Variants in SLC26A6 observed in about 807,000 individuals in gnomAD.
SLC26A6 encodes anion exchange transporter.
In SLC26A6, 67 loss-of-function variants were observed where a neutral mutation model predicts 87.1. That is an observed-to-expected ratio of 0.77 (90% confidence interval 0.63 to 0.94). The LOEUF (loss-of-function observed/expected upper bound fraction) is 0.94, where lower values mean the gene tolerates loss of function less well. Among genes scored for constraint, SLC26A6 ranks in the 40% least tolerant of loss-of-function variants. The pLI, the probability that SLC26A6 is intolerant of heterozygous loss-of-function variation, is 0.00. For missense variants in SLC26A6, 902 were observed against 973.0 expected, an observed-to-expected ratio of 0.93 and a Z score of 0.97; for synonymous variants, 414 against 405.9, an observed-to-expected ratio of 1.02 and a Z score of -0.24.
At chr3:48,632,078 G>C (rs773993921) in intron 5 of SLC26A6, 34 bp from the exon 6 acceptor site, 2 of 1,609,652 alleles carry the variant, frequency 1.2e-6, no homozygotes, top group South Asian at 2.2e-5. Flanking sequence ...AGGAGAGGCA[G>C]GGGTCCTGGG....
intron 17 of SLC26A6, 199 bp from the exon 18 acceptor site, chr3:48,627,254 A>ATGTGCATATACTGCTC (rs2046651375): frequency 1.6e-6 from 1 of 631,234 alleles, no homozygotes; most frequent in Non-Finnish European, 2.7e-6. Context: ...GCACACCCAG[A>ATGTGCATATACTGCTC]TGTGCATATA....
rs776856978 is a variant in SLC26A6, at chr3:48,628,724, A to C, written c.1600-10T>G. 5.0e-6 allele frequency: 8 copies of C among 1,612,302 alleles called. No homozygotes were observed. The highest frequency in any genetic ancestry group is 1.7e-5 in the Admixed American group (1 of 59,854). ...CCCGGACTTCCTTGGCCTGGGGATGAGGCAGAACTGGTGGTGGCTGAATCT... is the reference window on the plus strand; with the variant it reads ...CCCGGACTTCCTTGGCCTGGGGATGCGGCAGAACTGGTGGTGGCTGAATCT... On this transcript the variant is annotated splice_polypyrimidine_tract_variant and intron_variant, in intron 14 of 20. Coordinates refer to ENST00000395550, the MANE Select transcript of SLC26A6 (RefSeq NM_022911.3). The surrounding 1 kb of genome is among the most constrained non-coding windows in gnomAD (Gnocchi z 4.4).
Position 48,635,382 on chromosome 3 carries a change from C to T in SLC26A6, c.12G>A (p.Ala4=). The change falls in exon 1 of 21, where the codon GCG becomes GCA. Residue 4 remains alanine, a synonymous_variant. Transcript: ENST00000395550. ...TGCGCTGAACTCACCCCGACGCATCCGCCAGCCCCATGGCTCGCAAGTTGT... is the reference window on the plus strand; with the variant it reads ...TGCGCTGAACTCACCCCGACGCATCTGCCAGCCCCATGGCTCGCAAGTTGT... The part of the protein sequence containing the change: MGL[A]DASGPRDTQA... The T allele has an allele frequency of 6.3e-7, 1 of 1,587,282 alleles. No homozygotes were observed. The highest frequency in any genetic ancestry group is 1.1e-5 in the South Asian group (1 of 87,686).
intron 1 of SLC26A6, chr3:48,634,678 T>G (rs2046904426): frequency 2.0e-6 from 2 of 978,284 alleles, no homozygotes; most frequent in African/African-American, 3.5e-5. Context: ...AGTTCTGATC[T>G]AGGAAAAGCC....
rs369726823 is a variant in SLC26A6, at chr3:48,630,622, G to T, written c.1233C>A (p.Thr411=). ...CAAAGCCCACCTGCGAGTTGCCCCC[G>T]GTGCTCTCCTGTACCAGGCTCCGAG... ...SMSRSLVQES[T]GGNSQVAGAI... is the part of the protein sequence containing the mutation. Residue 411 remains threonine, a synonymous_variant, in exon 10 of 21, where the codon ACC becomes ACA. Transcript: ENST00000395550. 6.3e-7 allele frequency: 1 copy of T among 1,584,202 alleles called. No individual in the cohort carries two copies. The highest frequency in any genetic ancestry group is 8.6e-7 in the Non-Finnish European group (1 of 1,163,628).
Position 48,628,091 on chromosome 3 carries a change from G to A in SLC26A6, c.1801-53C>T. On this transcript the variant is annotated intron_variant, in intron 16 of 20. Coordinates refer to ENST00000395550, the MANE Select transcript of SLC26A6 (RefSeq NM_022911.3). The surrounding 1 kb of genome is among the most constrained non-coding windows in gnomAD (Gnocchi z 4.4). ...AACAGCTAGCCCGGCTGCCATGACA[G>A]CCATGTCACATAGGCCTGGTGATGC... 2 of 1,484,872 alleles carry A rather than the reference G, an allele frequency of 1.3e-6. No individual in the cohort carries two copies. The highest frequency in any genetic ancestry group is 1.8e-6 in the Non-Finnish European group (2 of 1,102,842). The allele number at this position is 1,484,872 out of a possible 1,614,324, so 92.0% of individuals were successfully genotyped here. A position where few individuals can be genotyped will look rare whatever the true frequency, so the allele number is the denominator to read the frequency against.
chr3:48,626,047 C>T lies in SLC26A6; in HGVS notation c.2266-47G>A. 1.2e-6 allele frequency: 2 copies of T among 1,613,392 alleles called. 1 individual carries two copies. ...GGCTCTAGTCAGTTTCCAAAGGACA[C>T]AGACCAACCCCCGCCCCTAGAACAG... On this transcript the variant is annotated intron_variant, in intron 20 of 20. Transcript: ENST00000395550.
chr3:48,630,921 G>A (rs1016610044), intron 9 of SLC26A6, 72 bp downstream of exon 9: 32 of 1,587,440 alleles, frequency 2.0e-5, no homozygotes, highest in Admixed American at 1.4e-4. Flanking sequence ...GTGTCCCACC[G>A]GTTCCTCCCC....
Position 48,631,122 on chromosome 3 carries a change from G to A in SLC26A6, c.1005C>T (p.Ala335=). The A allele has an allele frequency of 6.2e-7, 1 of 1,613,634 alleles. No individual in the cohort carries two copies. Among genetic ancestry groups the A allele is most frequent in the Non-Finnish European group, 8.5e-7 (1 of 1,180,018 alleles). ...NIPAGLVPPV[A]PNTQLFSKLV... is the part of the protein sequence containing the mutation. Reference sequence around the variant, plus strand: ...GCTTTGAGAACAGCTGGGTGTTGGGGGCCACTGGGGGCACCAGCCTGTGAG... The same window carrying A: ...GCTTTGAGAACAGCTGGGTGTTGGGAGCCACTGGGGGCACCAGCCTGTGAG... Residue 335 remains alanine, a synonymous_variant, in exon 9 of 21, where the codon GCC becomes GCT. Coordinates refer to ENST00000395550, the MANE Select transcript of SLC26A6 (RefSeq NM_022911.3).
At chr3:48,631,480 A>T in intron 7 of SLC26A6, 169 bp downstream of exon 7, 1 of 1,100,082 alleles carries the variant, frequency 9.1e-7, no homozygotes, top group Non-Finnish European at 1.3e-6. Context: ...AGATGCTGTC[A>T]GGGGCAGGAA....
rs200105599 is a variant in SLC26A6 at position 48,630,098 on chromosome 3, G to T, written c.1386C>A (p.Asp462Glu). 6 of 1,611,832 alleles carry T rather than the reference G, an allele frequency of 3.7e-6. No individual in the cohort carries two copies. The East Asian group carries it at 1.3e-4, about 36-fold the overall frequency. The change falls in exon 12 of 21, where the codon GAC (aspartate) becomes GAA (glutamate). Residue 462 changes from aspartate (D) to glutamate (E), a missense_variant. Physicochemically the swap from Asp to Glu is conservative, Grantham distance 45. Coordinates refer to ENST00000395550, the MANE Select transcript of SLC26A6 (RefSeq NM_022911.3). ...GATTGGCCTTCCAGAGGGAGCGCAT[G>T]TCGCTGAGCTGCCTCAGCATGCCCT... ...NLKGMLRQLS[D>E]MRSLWKANRA...
intron 1 of SLC26A6, 181 bp from the exon 2 acceptor site, chr3:48,633,816 C>T (rs1474389565): frequency 2.1e-6 from 3 of 1,439,650 alleles, no homozygotes; most frequent in Non-Finnish European, 2.7e-6. Context: ...AGGGGCAGTA[C>T]CTGAACTTTG....
In SLC26A6 at chr3:48,630,730, G is replaced by A; in HGVS notation, c.1135-10C>T. ...CCAGGGCCACCAGCTCCTGACGGGG[G>A]ACAGTACGGGTGTGAGAAGACTTCC... On this transcript the variant is annotated splice_polypyrimidine_tract_variant and intron_variant, in intron 9 of 20. Transcript: ENST00000395550. 1 of 1,588,476 alleles carries A rather than the reference G, an allele frequency of 6.3e-7. No homozygotes were observed. The highest frequency in any genetic ancestry group is 8.6e-7 in the Non-Finnish European group (1 of 1,166,294).
In SLC26A6 at chr3:48,631,894, G is replaced by A; in HGVS notation, c.736C>T (p.Leu246=). The change falls in exon 6 of 21, where the codon CTG becomes TTG. Residue 246 remains leucine (L), a synonymous_variant. Transcript: ENST00000395550. ...GLHLSSHSGP[L]SLIYTVLEVC... is the part of the protein sequence containing the mutation. ...CCCTCACTCACATAGATGAGGGACA[G>A]TGGCCCAGAGTGGCTGCTCAGATGG... 6.2e-7 allele frequency: 1 copy of A among 1,613,660 alleles called. No individual in the cohort carries two copies. The highest frequency in any genetic ancestry group is 1.7e-5 in the Admixed American group (1 of 60,018).
At chr3:48,633,183 G>A (rs1349918010) in intron 3 of SLC26A6, 68 bp downstream of exon 3, 3 of 1,590,874 alleles carry the variant, frequency 1.9e-6, no homozygotes, top group African/African-American at 2.7e-5. Flanking sequence ...CAAGGTAGAG[G>A]TCATGGCCCC....
At chr3:48,632,749 C>G (rs1575530634) in intron 4 of SLC26A6, 1 of 677,620 alleles carries the variant, frequency 1.5e-6, no homozygotes, top group East Asian at 2.8e-5. Flanking sequence ...GGCTGCCTCA[C>G]CCACTCTCAT....
rs2046606380 is a variant in SLC26A6 at position 48,625,884 on chromosome 3, AG to A, written c.*101del. The A allele has an allele frequency of 2.1e-6, 3 of 1,461,760 alleles. No individual in the cohort carries two copies. The highest frequency in any genetic ancestry group is 2.8e-6 in the Non-Finnish European group (3 of 1,054,170). The allele number at this position is 1,461,760 out of a possible 1,614,324, so 90.5% of individuals were successfully genotyped here. On this transcript the variant is annotated 3_prime_UTR_variant, in exon 21 of 21. Coordinates refer to ENST00000395550, the MANE Select transcript of SLC26A6 (RefSeq NM_022911.3). The surrounding 1 kb of genome is among the most constrained non-coding windows in gnomAD (Gnocchi z 4.7). Reference sequence around the variant, plus strand: ...CCCTGAGTTGTGTGTGTGTACATGGAGGGGACTCCTGGGTAGCACCTGGAGG... The same window carrying A: ...CCCTGAGTTGTGTGTGTGTACATGGAGGGACTCCTGGGTAGCACCTGGAGG...
intron 11 of SLC26A6, 21 bp from the exon 12 acceptor site, chr3:48,630,178 C>A: frequency 6.2e-7 from 1 of 1,601,020 alleles, no homozygotes; most frequent in Non-Finnish European, 8.5e-7. Flanking sequence ...GACAGTGCCA[C>A]CAGGGGCCAT....
chr3:48,629,914 G>A lies in SLC26A6; in HGVS notation c.1487C>T (p.Ala496Val), dbSNP rs532967229. 9.3e-6 allele frequency: 15 copies of A among 1,614,028 alleles called. No individual in the cohort carries two copies. The highest frequency in any genetic ancestry group is 3.3e-5 in the Admixed American group (2 of 60,008). The part of the protein sequence containing the change: ...LLNLDLGLVV[A>V]VIFSLLLVVV... ...CACGAGCAGCAGGGAGAAGATGACC[G>A]CAACCACCAAGCCAAGGTCCAGGTT... Residue 496 changes from alanine to valine, a missense_variant, in exon 13 of 21, where the codon GCG (alanine) becomes GTG (valine). Ala to Val is a moderately conservative substitution (Grantham distance 64). Around this residue, in one of 3 missense-constraint regions of SLC26A6, gnomAD observed 800 missense variants for 856.8 expected, o/e 0.93. Coordinates refer to ENST00000395550, the MANE Select transcript of SLC26A6 (RefSeq NM_022911.3).
Sources: allele counts gnomAD v4.1 joint callset, GRCh38; gene constraint gnomAD v4.1.1; regional missense constraint gnomAD v4.1.1; non-coding constraint Gnocchi (gnomAD v3.1); transcripts MANE v1.5; gene names NCBI Gene and HGNC (gene_info 2026-07-23, HGNC 2026-07-21).